The following C9 variants were observed in gnomAD, a reference collection of about 807,000 sequenced individuals.
C9 encodes complement C9.
Under a neutral mutation model 65.4 loss-of-function variants are expected in C9, and 63 were observed. That is an observed-to-expected ratio of 0.96 (90% CI 0.79 to 1.19). C9 has a LOEUF of 1.19. C9 is among the 50% of genes most tolerant of loss of function. The probability of loss-of-function intolerance (pLI) is 0.00; values close to 1 mark genes in which losing one functional copy is unlikely to be tolerated. For missense variants in C9, 744 were observed against 670.1 expected, an observed-to-expected ratio of 1.11 and a Z score of -1.22; for synonymous variants, 229 against 227.9, an observed-to-expected ratio of 1.00 and a Z score of -0.04.
intron 9 of C9, among the ~76,000 whole-genome samples, chr5:39,292,824 C>T (rs1753119674): frequency 8.6e-6 from 1 of 116,860 alleles, no homozygotes; most frequent in African/African-American, 2.7e-5. Context: ...TGAAGGCAGA[C>T]TATGATAAAT....
rs371700256 is a variant in C9 at position 39,341,634 on chromosome 5, C to G, written c.250G>C (p.Asp84His). Reference sequence around the variant, plus strand: ...TCTGTGGGCACACACTGTCGTCTGTCTCCCACAGCGTCGGTGCATCTTTTC... The same window carrying G: ...TCTGTGGGCACACACTGTCGTCTGTGTCCCACAGCGTCGGTGCATCTTTTC... ...NGKRCTDAVG[D>H]RRQCVPTEPC... The change falls in exon 3 of 11, where the codon GAC becomes CAC. Residue 84 changes from aspartate (D) to histidine (H), a missense_variant. Asp to His is a moderately conservative substitution (Grantham distance 81). Coordinates refer to ENST00000263408, the MANE Select transcript of C9 (RefSeq NM_001737.5). 6.2e-7 allele frequency: 1 copy of G among 1,613,684 alleles called. No homozygotes were observed. Among genetic ancestry groups the G allele is most frequent in the Non-Finnish European group, 8.5e-7 (1 of 1,179,638 alleles).
chr5:39,295,199 C>G (rs34803949), intron 9 of C9, among the ~76,000 whole-genome samples: 6,168 of 151,684 alleles, frequency 0.041, 174 homozygotes, highest in South Asian at 0.069. Flanking sequence ...ACTGGAAATC[C>G]GAGCCAGAGC....
At position 39,341,565 on chromosome 5, in the gene C9, A is replaced by G; in HGVS notation, c.319T>C (p.Cys107Arg). The change falls in exon 3 of 11, where the codon TGC becomes CGC. Residue 107 changes from cysteine to arginine, a missense_variant. Physicochemically the swap from Cys to Arg is radical, Grantham distance 180. Transcript: ENST00000263408. ...CAAGCACAAAGATTACCTGTACTGC[A>G]TTGAAAGTCATTTCCGCAGTCATCC... ...AEDDCGNDFQ[C>R]STGRCIKMRL... is the part of the protein sequence containing the mutation. 6.2e-7 allele frequency: 1 copy of G among 1,614,074 alleles called. No homozygotes were observed. The highest frequency in any genetic ancestry group is 8.5e-7 in the Non-Finnish European group (1 of 1,179,956).
chr5:39,293,735 C>G (rs763441552), intron 9 of C9, among the ~76,000 whole-genome samples: 1 of 151,734 alleles, frequency 6.6e-6, no homozygotes, highest in Non-Finnish European at 1.5e-5. Context: ...AACTTTTTGC[C>G]CAAGAGCTGC....
chr5:39,341,405 T>C, intron 3 of C9, 112 bp from the exon 4 acceptor site: 1 of 1,451,890 alleles, frequency 6.9e-7, no homozygotes, highest in Admixed American at 1.7e-5. Context: ...AAAAACACAT[T>C]TGAGTTCTTT....
intron 5 of C9, among the ~76,000 whole-genome samples, chr5:39,324,843 T>C (rs1753721423): frequency 6.6e-6 from 1 of 152,142 alleles, no homozygotes; most frequent in Admixed American, 6.5e-5. Context: ...TCTTTATGAG[T>C]ACTGAATAAA....
chr5:39,314,491 A>G (rs1260907897), intron 6 of C9, among the ~76,000 whole-genome samples: 1 of 152,126 alleles, frequency 6.6e-6, no homozygotes, highest in Non-Finnish European at 1.5e-5. Flanking sequence ...ATTAAAATTA[A>G]AAACCCTCAA....
At chr5:39,317,344 T>C (rs1753585444) in intron 5 of C9, among the ~76,000 whole-genome samples, 2 of 152,216 alleles carry the variant, frequency 1.3e-5, no homozygotes, top group African/African-American at 4.8e-5. Context: ...AGAAGCTCTT[T>C]AGTTTAACTG....
In C9 at chr5:39,353,988, G is replaced by A. The variant is rs146591757; in HGVS notation, c.77+10400C>T. ...CTGGGGAATCATCCACATGGTTTTT[G>A]AGCAAGGATTGCAAGGCAGGCTTCC... On this transcript the variant is annotated intron_variant, in intron 1 of 10. Transcript: ENST00000263408. Among the ~76,000 whole-genome samples, 657 of 152,272 alleles carry A rather than the reference G, an allele frequency of 4.3e-3. 4 individuals carry two copies. Among genetic ancestry groups the A allele is most frequent in the African/African-American group, 0.015 (613 of 41,558 alleles).
intron 1 of C9, among the ~76,000 whole-genome samples, chr5:39,346,914 C>G (rs1754208524): frequency 6.6e-6 from 1 of 152,106 alleles, no homozygotes; most frequent in African/African-American, 2.4e-5. Context: ...GAAACAAAGA[C>G]AAAAACCACA....
chr5:39,352,488 T>C (rs1219764330), intron 1 of C9, among the ~76,000 whole-genome samples: 3 of 152,226 alleles, frequency 2.0e-5, no homozygotes, highest in African/African-American at 7.2e-5. Context: ...GTATTTATTG[T>C]CTTGGCAAAT....
rs370520164 is a variant in C9, at chr5:39,297,381, TTAAC to T, written c.1417-8434_1417-8431del. ...ACAACTAGCAAGTACAGATTTTAATTTAACTGTTTCATTAATTACATTAAATGCA... is the reference window on the plus strand; with the variant it reads ...ACAACTAGCAAGTACAGATTTTAATTTGTTTCATTAATTACATTAAATGCA... On this transcript the variant is annotated intron_variant, in intron 9 of 10. Transcript: ENST00000263408. Among the ~76,000 whole-genome samples the T allele has an allele frequency of 5.5e-3, 828 of 151,728 alleles. 7 individuals are homozygous for T. Among genetic ancestry groups the T allele is most frequent in the African/African-American group, 0.018 (751 of 41,530 alleles).
rs1336116225 is a variant in C9 at position 39,343,912 on chromosome 5, C to CGGTCTGGATACCCAGCAAACAT, written c.78-1717_78-1716insATGTTTGCTGGGTATCCAGACC. On this transcript the variant is annotated intron_variant, in intron 1 of 10. Transcript: ENST00000263408. ...CTCCGCCACTGATACCCAGCAAACA[C>CGGTCTGGATACCCAGCAAACAT]GGTCTGGAGTGGACCTCTGGCAAAC... Among the ~76,000 whole-genome samples the CGGTCTGGATACCCAGCAAACAT allele has an allele frequency of 2.3e-4, 35 of 152,210 alleles. 1 individual carries two copies. Among genetic ancestry groups the CGGTCTGGATACCCAGCAAACAT allele is most frequent in the African/African-American group, 8.4e-4 (35 of 41,464 alleles).
intron 9 of C9, among the ~76,000 whole-genome samples, chr5:39,301,331 T>A (rs1021124854): frequency 6.6e-6 from 1 of 151,910 alleles, no homozygotes; most frequent in East Asian, 1.9e-4. Flanking sequence ...TATAACAGAT[T>A]GGGAGACAGT....
rs556054023 is a variant in C9, at chr5:39,288,092, G to A, written c.1645+631C>T. ...TAAAAATGCAAAATAAAAATCTAGT[G>A]AATATCATTTATATAAAATTTAAAA... is the stretch of plus-strand genomic sequence containing the variant. On this transcript the variant is annotated intron_variant, in intron 10 of 10. Transcript: ENST00000263408. Among the ~76,000 whole-genome samples, 11 of 151,820 alleles carry A rather than the reference G, an allele frequency of 7.2e-5. No homozygotes were observed. The East Asian group carries it at 1.7e-3, about 24-fold the overall frequency.
intron 4 of C9, among the ~76,000 whole-genome samples, chr5:39,334,967 G>A (rs563141680): frequency 6.8e-6 from 1 of 147,156 alleles, no homozygotes; most frequent in South Asian, 2.2e-4. Context: ...ATTTTGTTCT[G>A]TACTAAGAAA....
intron 2 of C9, 41 bp from the exon 3 acceptor site, chr5:39,341,741 A>T (rs1172273381): frequency 6.3e-7 from 1 of 1,583,816 alleles, no homozygotes; most frequent in South Asian, 1.1e-5. Context: ...TTCTAATGCC[A>T]AAAAAAGGGT....
chr5:39,320,863 G>A (rs1399152065), intron 5 of C9, among the ~76,000 whole-genome samples: 2 of 152,088 alleles, frequency 1.3e-5, no homozygotes, highest in African/African-American at 4.8e-5. Flanking sequence ...AGGAGAGAGT[G>A]AGATGATATA....
chr5:39,338,749 G>A (rs922147267), intron 4 of C9, among the ~76,000 whole-genome samples: 1 of 152,110 alleles, frequency 6.6e-6, no homozygotes, highest in Non-Finnish European at 1.5e-5. Flanking sequence ...CTCAGCTGTG[G>A]GATGGTTCCT....
Sources: allele counts gnomAD v4.1 joint callset (sites outside exome capture counted in the v4.1 genomes callset), GRCh38; gene constraint gnomAD v4.1.1; transcripts MANE v1.5; gene names NCBI Gene and HGNC (gene_info 2026-07-23, HGNC 2026-07-21).